Variants in TSHZ2 observed in about 807,000 individuals in gnomAD.
TSHZ2 encodes the protein teashirt homolog 2.
In TSHZ2, 21 loss-of-function variants were observed where a neutral mutation model predicts 74.4. The ratio of observed to expected loss-of-function variants is 0.28; its 90% CI spans 0.20 to 0.41. TSHZ2 has a LOEUF of 0.41. Among genes scored for constraint, TSHZ2 ranks in the 10% least tolerant of loss-of-function variants. The pLI is 1.00. For missense variants in TSHZ2, 1,244 were observed against 1,293.5 expected (o/e 0.96, Z 0.59); for synonymous variants, 540 against 515.3 (o/e 1.05, Z -0.65).
rs549549623 is a variant in TSHZ2 at position 53,046,636 on chromosome 20, TA to T, written c.40+73311del. 3.4e-3 allele frequency among the ~76,000 whole-genome samples: 511 copies of T among 151,754 alleles called. 3 individuals carry two copies. The highest frequency in any genetic ancestry group is 0.014 in the Middle Eastern group (4 of 294). On this transcript the variant is annotated intron_variant, in intron 1 of 2. Transcript: ENST00000371497. ...TTCTGCAAATGAGTTAGTATTTGAT[TA>T]AAAAAAACAAAACAAAACAAAACCC...
chr20:53,303,257 T>G (rs1055974900), intron 2 of TSHZ2, among the ~76,000 whole-genome samples: 2 of 152,228 alleles, frequency 1.3e-5, no homozygotes, highest in Non-Finnish European at 2.9e-5. Context: ...GCGCCCTCTT[T>G]GCATTTTAAG....
intron 2 of TSHZ2, among the ~76,000 whole-genome samples, chr20:53,355,963 C>G (rs1487639741): frequency 6.6e-6 from 1 of 152,120 alleles, no homozygotes. Flanking sequence ...GCATGCATAA[C>G]AAACTAGTGG....
At chr20:53,460,608 G>C (rs1985319598) in intron 2 of TSHZ2, among the ~76,000 whole-genome samples, 1 of 152,344 alleles carries the variant, frequency 6.6e-6, no homozygotes, top group African/African-American at 2.4e-5. Flanking sequence ...CGTTCCTTTG[G>C]AGGAGGAGAG....
At chr20:53,259,012 C>T (rs925447335) in intron 2 of TSHZ2, among the ~76,000 whole-genome samples, 3 of 152,152 alleles carry the variant, frequency 2.0e-5, no homozygotes, top group African/African-American at 2.4e-5. Flanking sequence ...GTACAAAGGT[C>T]GATTCTTGGT....
chr20:53,298,280 C>A (rs1250146611), intron 2 of TSHZ2, among the ~76,000 whole-genome samples: 2 of 152,168 alleles, frequency 1.3e-5, no homozygotes, highest in Non-Finnish European at 2.9e-5. Flanking sequence ...GGGCAGAGAA[C>A]AAACACGTAA....
intron 2 of TSHZ2, among the ~76,000 whole-genome samples, chr20:53,334,627 G>A (rs947933602): frequency 4.6e-5 from 7 of 152,146 alleles, no homozygotes; most frequent in African/African-American, 1.7e-4. Context: ...TAAAGAACTT[G>A]CCTTCTACTA....
chr20:53,220,662 GT>G (rs1241166661), intron 1 of TSHZ2, among the ~76,000 whole-genome samples: 1 of 152,186 alleles, frequency 6.6e-6, no homozygotes, highest in African/African-American at 2.4e-5. Context: ...CTACTATGTG[GT>G]CCTTCACAGA....
chr20:52,992,026 A>G (rs1190358914), intron 1 of TSHZ2, among the ~76,000 whole-genome samples: 1 of 152,202 alleles, frequency 6.6e-6, no homozygotes, highest in Non-Finnish European at 1.5e-5. Flanking sequence ...GAGGAAAACA[A>G]AACCACTGTT....
At position 52,979,501 on chromosome 20, in the gene TSHZ2, C is replaced by T. The variant is rs1029794044; in HGVS notation, c.40+6168C>T. 2.6e-5 allele frequency among the ~76,000 whole-genome samples: 4 copies of T among 152,026 alleles called. No individual in the cohort carries two copies. The East Asian group carries it at 5.8e-4, about 22-fold the overall frequency. ...TGTCCAAGGGTATCAGACTGAGGTC[C>T]GTTCAAAGACATTATATACATACAC... is the stretch of plus-strand genomic sequence containing the variant. On this transcript the variant is annotated intron_variant, in intron 1 of 2. Transcript: ENST00000371497.
chr20:53,254,783 C>G lies in TSHZ2; in HGVS notation c.1325C>G (p.Ala442Gly). The G allele has an allele frequency of 1.2e-6, 2 of 1,613,292 alleles. No individual in the cohort carries two copies. The highest frequency in any genetic ancestry group is 1.7e-6 in the Non-Finnish European group (2 of 1,179,458). The part of the protein sequence containing the change: ...LSEAPNSDSL[A>G]PKPSSNSASD... ...GAGGCCCCAAACAGTGATTCTCTGG[C>G]TCCCAAGCCATCCAGTAACTCAGCA... Residue 442 changes from alanine to glycine, a missense_variant, in exon 2 of 3, where the codon GCT becomes GGT. Physicochemically the swap from Ala to Gly is moderately conservative, Grantham distance 60. Around this residue, in one of 6 missense-constraint regions of TSHZ2, gnomAD observed 562 missense variants for 544.0 expected, o/e 1.03. Transcript: ENST00000371497.
At chr20:53,240,828 A>G (rs1426159954) in intron 1 of TSHZ2, among the ~76,000 whole-genome samples, 1 of 152,074 alleles carries the variant, frequency 6.6e-6, no homozygotes, top group Non-Finnish European at 1.5e-5. Context: ...CTGGCTGAAA[A>G]CTAACATCAG....
chr20:53,300,983 T>C (rs1170894665), intron 2 of TSHZ2, among the ~76,000 whole-genome samples: 1 of 151,970 alleles, frequency 6.6e-6, no homozygotes, highest in Non-Finnish European at 1.5e-5. Context: ...TGAGGCAGAG[T>C]CTCCCTCTGT....
chr20:53,255,023 A>G lies in TSHZ2; in HGVS notation c.1565A>G (p.Asn522Ser). Residue 522 changes from asparagine (N) to serine (S), a missense_variant, in exon 2 of 3, where the codon AAT (asparagine) becomes AGT (serine). Coordinates refer to ENST00000371497, the MANE Select transcript of TSHZ2 (RefSeq NM_173485.6). The surrounding 1 kb of genome is among the most constrained non-coding windows in gnomAD (Gnocchi z 4.1). ...GGGDILKSLE[N>S]TVTTAINKAQ... is the part of the protein sequence containing the mutation. Reference sequence around the variant, plus strand: ...GGGGACATTTTGAAATCTTTGGAAAATACTGTCACCACAGCCATCAACAAA... The same window carrying G: ...GGGGACATTTTGAAATCTTTGGAAAGTACTGTCACCACAGCCATCAACAAA... 1.2e-6 allele frequency: 2 copies of G among 1,614,160 alleles called. No homozygotes were observed. The highest frequency in any genetic ancestry group is 1.7e-6 in the Non-Finnish European group (2 of 1,180,032).
chr20:53,264,570 G>A (rs1393274658), intron 2 of TSHZ2, among the ~76,000 whole-genome samples: 3 of 152,216 alleles, frequency 2.0e-5, no homozygotes, highest in African/African-American at 4.8e-5. Context: ...CCCAAAGGAT[G>A]CATGTCCAGA....
At chr20:53,034,056 G>A (rs902715747) in intron 1 of TSHZ2, among the ~76,000 whole-genome samples, 5 of 152,098 alleles carry the variant, frequency 3.3e-5, no homozygotes, top group South Asian at 4.1e-4. Flanking sequence ...TTATATTCTC[G>A]ATAAATACTT....
intron 2 of TSHZ2, among the ~76,000 whole-genome samples, chr20:53,311,637 C>A (rs1244026834): frequency 6.6e-6 from 1 of 152,216 alleles, no homozygotes; most frequent in Non-Finnish European, 1.5e-5. Context: ...TGAAGAGCTG[C>A]AGAAAACAAC....
intron 2 of TSHZ2, among the ~76,000 whole-genome samples, chr20:53,342,855 C>A (rs1269010676): frequency 6.6e-6 from 1 of 151,566 alleles, no homozygotes; most frequent in Non-Finnish European, 1.5e-5. Flanking sequence ...TCAGACTTAA[C>A]TGTACCTACT....
At chr20:53,436,134 C>A (rs1171658264) in intron 2 of TSHZ2, among the ~76,000 whole-genome samples, 1 of 148,602 alleles carries the variant, frequency 6.7e-6, no homozygotes, top group East Asian at 2.0e-4. Context: ...TATGGCTGGG[C>A]TGTTTTTTGT....
rs1031316543 is a variant in TSHZ2 at position 53,489,061 on chromosome 20, C to G, written c.*1926C>G. The stretch of plus-strand genomic sequence containing the variant: ...CACATCATCGGATTGAGATGGCAGT[C>G]GAAATAGCTTCATTGAAGTGTCAGC... On this transcript the variant is annotated 3_prime_UTR_variant, in exon 3 of 3. Transcript: ENST00000371497. The G allele has an allele frequency of 2.2e-6, 1 of 455,932 alleles. No individual in the cohort carries two copies. Among genetic ancestry groups the G allele is most frequent in the East Asian group, 6.9e-5 (1 of 14,394 alleles). The allele number at this position is 455,932 out of a possible 1,614,324, so 28.2% of individuals were successfully genotyped here. A position where few individuals can be genotyped will look rare whatever the true frequency, so the allele number is the denominator to read the frequency against.
Sources: gnomAD v4.1 joint callset for allele counts (sites outside exome capture counted in the v4.1 genomes callset) on GRCh38, gnomAD v4.1.1 for gene constraint, gnomAD v4.1.1 regional missense constraint, Gnocchi (gnomAD v3.1) non-coding constraint, MANE v1.5 for transcripts, NCBI Gene and HGNC (gene_info 2026-07-23, HGNC 2026-07-21) for gene names.